Variants in KCNC2 observed in about 807,000 individuals in gnomAD.
KCNC2 encodes potassium voltage-gated channel subfamily C member 2.
Under a neutral mutation model 44.5 loss-of-function variants are expected in KCNC2, and 21 were observed. The observed-to-expected ratio is 0.47, with a 90% CI of 0.33 to 0.68. KCNC2 has a LOEUF of 0.68. Ranked by LOEUF, KCNC2 falls within the 30% of genes least tolerant of loss-of-function variation. KCNC2 has a pLI of 0.01. For missense variants in KCNC2, 589 were observed against 826.2 expected (o/e 0.71, Z 3.52); for synonymous variants, 391 against 339.1 (o/e 1.15, Z -1.68).
At chr12:75,078,880 CTT>C (rs1366087336) in intron 2 of KCNC2, among the ~76,000 whole-genome samples, 1 of 152,120 alleles carries the variant, frequency 6.6e-6, no homozygotes, top group East Asian at 1.9e-4. Context: ...AATTAACTAA[CTT>C]GGGGATAACT....
intron 2 of KCNC2, among the ~76,000 whole-genome samples, chr12:75,091,897 C>A (rs899568733): frequency 1.3e-5 from 2 of 151,598 alleles, no homozygotes; most frequent in African/African-American, 4.8e-5. Context: ...AAGATCTAAA[C>A]TATTTTCTAA....
At chr12:75,121,935 C>T (rs1212832818) in intron 2 of KCNC2, among the ~76,000 whole-genome samples, 2 of 60,260 alleles carry the variant, frequency 3.3e-5, no homozygotes, top group East Asian at 9.7e-4. Flanking sequence ...TGGTTATCAG[C>T]TTCTTGAACA....
intron 2 of KCNC2, among the ~76,000 whole-genome samples, chr12:75,108,342 A>G (rs779913191): frequency 5.9e-5 from 9 of 152,200 alleles, no homozygotes; most frequent in Non-Finnish European, 1.2e-4. Flanking sequence ...TAATTTAATG[A>G]TAACATGCCT....
intron 2 of KCNC2, among the ~76,000 whole-genome samples, chr12:75,089,959 T>C (rs1010817545): frequency 2.0e-5 from 3 of 151,860 alleles, no homozygotes; most frequent in Non-Finnish European, 4.4e-5. Flanking sequence ...TATGCTTTAG[T>C]GGAAGCTATT....
intron 2 of KCNC2, among the ~76,000 whole-genome samples, chr12:75,127,781 A>G (rs549224404): frequency 6.6e-6 from 1 of 152,296 alleles, no homozygotes; most frequent in African/African-American, 2.4e-5. Flanking sequence ...ACAACCACTA[A>G]TAAAGGTCAT....
At chr12:75,092,239 C>T (rs1015509651) in intron 2 of KCNC2, among the ~76,000 whole-genome samples, 1 of 151,584 alleles carries the variant, frequency 6.6e-6, no homozygotes, top group African/African-American at 2.4e-5. Context: ...GTCAAAGCCA[C>T]GTGAAAGGCC....
intron 4 of KCNC2, among the ~76,000 whole-genome samples, chr12:75,047,091 T>C (rs980333821): frequency 6.6e-5 from 10 of 151,438 alleles, no homozygotes; most frequent in African/African-American, 2.4e-4. Flanking sequence ...AAGTGGATTT[T>C]TATTCAAATT....
At chr12:75,205,660 A>G (rs1008655213) in intron 2 of KCNC2, among the ~76,000 whole-genome samples, 1 of 152,174 alleles carries the variant, frequency 6.6e-6, no homozygotes, top group Non-Finnish European at 1.5e-5. Context: ...GATCTGGAAA[A>G]AAAGAATCAC....
intron 2 of KCNC2, among the ~76,000 whole-genome samples, chr12:75,066,130 T>C (rs1277058318): frequency 1.3e-5 from 2 of 152,166 alleles, no homozygotes; most frequent in East Asian, 3.8e-4. Context: ...ACCGTCTTCT[T>C]TATCATTTTC....
intron 2 of KCNC2, among the ~76,000 whole-genome samples, chr12:75,091,588 T>C (rs1347481588): frequency 1.3e-5 from 2 of 151,770 alleles, no homozygotes; most frequent in Non-Finnish European, 3.0e-5. Flanking sequence ...ATTGTGTTGC[T>C]CTAATTAGAA....
At chr12:75,109,564 A>G (rs1035834100) in intron 2 of KCNC2, among the ~76,000 whole-genome samples, 2 of 152,156 alleles carry the variant, frequency 1.3e-5, no homozygotes, top group Non-Finnish European at 2.9e-5. Flanking sequence ...GCACCCCAGA[A>G]GATCAGGGAG....
At chr12:75,194,880 G>T (rs2030627356) in intron 2 of KCNC2, among the ~76,000 whole-genome samples, 1 of 152,080 alleles carries the variant, frequency 6.6e-6, no homozygotes, top group African/African-American at 2.4e-5. Flanking sequence ...TGTCTTGGAA[G>T]GAATGACTGC....
chr12:75,178,715 G>T (rs1892360550), intron 2 of KCNC2, among the ~76,000 whole-genome samples: 1 of 151,994 alleles, frequency 6.6e-6, no homozygotes, highest in Non-Finnish European at 1.5e-5. Context: ...AGAGAAATGA[G>T]ATAATACACA....
At chr12:75,071,253 G>A (rs531107377) in intron 2 of KCNC2, among the ~76,000 whole-genome samples, 4 of 151,896 alleles carry the variant, frequency 2.6e-5, no homozygotes, top group South Asian at 2.1e-4. Flanking sequence ...CATTAAAGAC[G>A]GCTTGGTAGC....
chr12:75,168,122 A>G (rs1201013513), intron 2 of KCNC2, among the ~76,000 whole-genome samples: 1 of 151,334 alleles, frequency 6.6e-6, no homozygotes, highest in East Asian at 1.9e-4. Flanking sequence ...AATAAACGCA[A>G]CTTTTTAAAA....
At chr12:75,140,771 A>G (rs1889594145) in intron 2 of KCNC2, among the ~76,000 whole-genome samples, 1 of 152,144 alleles carries the variant, frequency 6.6e-6, no homozygotes, top group Non-Finnish European at 1.5e-5. Context: ...GGAGATGCAT[A>G]ATTTATAAAA....
chr12:75,157,059 T>C (rs918504686), intron 2 of KCNC2, among the ~76,000 whole-genome samples: 10 of 151,882 alleles, frequency 6.6e-5, no homozygotes, highest in Admixed American at 2.0e-4. Flanking sequence ...AGCCTGATGT[T>C]GCTTACAAAT....
At chr12:75,071,070 T>A (rs1436023604) in intron 2 of KCNC2, among the ~76,000 whole-genome samples, 2 of 152,318 alleles carry the variant, frequency 1.3e-5, no homozygotes, top group Admixed American at 6.5e-5. Flanking sequence ...GGATTGGCGT[T>A]GAAGCATATC....
At position 75,095,547 on chromosome 12, in the gene KCNC2, G is replaced by A. The variant is rs527415116; in HGVS notation, c.688-44230C>T. On this transcript the variant is annotated intron_variant, in intron 2 of 4. Coordinates refer to ENST00000549446, the MANE Select transcript of KCNC2 (RefSeq NM_139137.4). ...GTGTTCCCTCTCCTTCTTGTTCTCA[G>A]TTTAATGATTTGGGTATACATGTTA... is the stretch of plus-strand genomic sequence containing the variant. Among the ~76,000 whole-genome samples the A allele has an allele frequency of 3.3e-5, 5 of 151,680 alleles. No homozygotes were observed. In the South Asian group the frequency reaches 1.0e-3, roughly 32 times the overall value.
Sources: gnomAD v4.1 joint callset for allele counts (sites outside exome capture counted in the v4.1 genomes callset) on GRCh38, gnomAD v4.1.1 for gene constraint, MANE v1.5 for transcripts, NCBI Gene and HGNC (gene_info 2026-07-23, HGNC 2026-07-21) for gene names.